Variants in MAD1L1 observed in about 807,000 individuals in gnomAD.
MAD1L1 encodes mitotic spindle assembly checkpoint protein MAD1.
A neutral mutation model predicts 96.9 loss-of-function variants in MAD1L1; 95 were observed. That is an observed-to-expected ratio of 0.98 (90% CI 0.83 to 1.16). MAD1L1 has a LOEUF of 1.16. Among genes scored for constraint, MAD1L1 ranks in the 50% most tolerant of loss-of-function variants. The pLI, the probability that MAD1L1 is intolerant of heterozygous loss-of-function variation, is 0.00. For synonymous variants in MAD1L1, 473 were observed against 396.6 expected (o/e 1.19, Z -2.29); for missense variants, 1,007 against 954.4 (o/e 1.06, Z -0.73).
At chr7:1,943,231 G>A (rs985186823) in intron 16 of MAD1L1, among the ~76,000 whole-genome samples, 12 of 152,168 alleles carry the variant, frequency 7.9e-5, no homozygotes, top group African/African-American at 2.9e-4. Context: ...TTAGCCCAAA[G>A]CACAAAGAAC....
chr7:2,038,611 C>A (rs1783546697), intron 12 of MAD1L1, among the ~76,000 whole-genome samples: 1 of 143,384 alleles, frequency 7.0e-6, no homozygotes, highest in Non-Finnish European at 1.5e-5. Context: ...CTTCTGGGTT[C>A]AAGCAATTCT....
chr7:1,910,370 C>T (rs1253478309), intron 17 of MAD1L1, among the ~76,000 whole-genome samples: 4 of 152,214 alleles, frequency 2.6e-5, no homozygotes, highest in Non-Finnish European at 4.4e-5. Context: ...TCCAGCTCCA[C>T]GGTCTCTGGC....
intron 10 of MAD1L1, among the ~76,000 whole-genome samples, chr7:2,201,392 T>C (rs1178764633): frequency 2.0e-5 from 3 of 151,920 alleles, no homozygotes; most frequent in Non-Finnish European, 2.9e-5. Context: ...CCTGTAAAAG[T>C]AGGGACGTGG....
intron 16 of MAD1L1, among the ~76,000 whole-genome samples, chr7:1,956,297 T>C (rs1779725499): frequency 6.6e-6 from 1 of 152,100 alleles, no homozygotes; most frequent in Non-Finnish European, 1.5e-5. Flanking sequence ...GAGGGCTGTC[T>C]GGAAGTTTCC....
chr7:1,875,204 G>C (rs1785319061), intron 18 of MAD1L1, among the ~76,000 whole-genome samples: 1 of 152,304 alleles, frequency 6.6e-6, no homozygotes, highest in South Asian at 2.1e-4. Context: ...GCTGTTCCCA[G>C]GGGCCCTGCT....
At chr7:1,929,025 C>T (rs895434190) in intron 17 of MAD1L1, among the ~76,000 whole-genome samples, 2 of 152,226 alleles carry the variant, frequency 1.3e-5, no homozygotes, top group Admixed American at 6.5e-5. Context: ...AAGGCAGTCA[C>T]TGCTCCCGTC....
At chr7:2,071,007 A>G (rs1014233175) in intron 11 of MAD1L1, among the ~76,000 whole-genome samples, 7 of 142,994 alleles carry the variant, frequency 4.9e-5, no homozygotes, top group Admixed American at 1.4e-4. Context: ...GCTTCATCCC[A>G]GGGCTGGTGG....
chr7:2,090,566 G>A (rs1398419219), intron 11 of MAD1L1, among the ~76,000 whole-genome samples: 4 of 152,170 alleles, frequency 2.6e-5, no homozygotes, highest in Non-Finnish European at 5.9e-5. Flanking sequence ...CCTTCCCAGG[G>A]TTGGATCAGG....
At chr7:2,140,262 T>C (rs1788962527) in intron 11 of MAD1L1, among the ~76,000 whole-genome samples, 1 of 152,148 alleles carries the variant, frequency 6.6e-6, no homozygotes, top group Non-Finnish European at 1.5e-5. Context: ...CATTCACCAC[T>C]GCCCAAACGT....
chr7:1,912,915 G>T (rs751827205), intron 17 of MAD1L1, among the ~76,000 whole-genome samples: 1 of 152,140 alleles, frequency 6.6e-6, no homozygotes, highest in Non-Finnish European at 1.5e-5. Flanking sequence ...GGGCGGGGCT[G>T]TGTGGGCTCC....
intron 17 of MAD1L1, among the ~76,000 whole-genome samples, chr7:1,899,966 C>G (rs553098410): frequency 6.6e-6 from 1 of 152,346 alleles, no homozygotes; most frequent in South Asian, 2.1e-4. Context: ...GACTCTGAAC[C>G]TACCCCTTCA....
rs747854627 is a variant in MAD1L1, at chr7:1,898,212, G to GCAGT, written c.1982_1985dup (p.Cys662Ter). The GCAGT allele has an allele frequency of 7.5e-6, 12 of 1,610,014 alleles. No individual in the cohort carries two copies. Among genetic ancestry groups the GCAGT allele is most frequent in the Non-Finnish European group, 1.0e-5 (12 of 1,178,116 alleles). Reference sequence around the variant, plus strand: ...ACGCAGGACCCACCTTGAAGATGAGGCAGTCGCCTGGGTGCTCGGCGTACA... The same window carrying GCAGT: ...ACGCAGGACCCACCTTGAAGATGAGGCAGTCAGTCGCCTGGGTGCTCGGCGTACA... On this transcript the variant is annotated stop_gained and frameshift_variant, in exon 18 of 19. Coordinates refer to ENST00000265854, the MANE Select transcript of MAD1L1 (RefSeq NM_001013836.2). LOFTEE classifies it high-confidence loss of function.
chr7:1,947,048 G>A (rs980959462), intron 16 of MAD1L1, among the ~76,000 whole-genome samples: 5 of 152,224 alleles, frequency 3.3e-5, no homozygotes, highest in African/African-American at 1.2e-4. Context: ...CTGGGCCTCG[G>A]CTTCCCATCT....
intron 11 of MAD1L1, among the ~76,000 whole-genome samples, chr7:2,111,166 AC>A (rs1787359283): frequency 6.6e-6 from 1 of 152,156 alleles, no homozygotes; most frequent in Admixed American, 6.5e-5. Context: ...GAGCACACAC[AC>A]CGAGCGTCCA....
intron 10 of MAD1L1, among the ~76,000 whole-genome samples, chr7:2,149,913 G>C (rs1191571701): frequency 1.3e-5 from 2 of 152,214 alleles, no homozygotes; most frequent in Admixed American, 1.3e-4. Context: ...TACGCCAGTG[G>C]TGTGTGAGCA....
chr7:2,219,299 C>T (rs573420036), intron 6 of MAD1L1, 33 bp downstream of exon 6: 22 of 1,534,846 alleles, frequency 1.4e-5, no homozygotes, highest in South Asian at 9.6e-5. Context: ...ACACGTGACC[C>T]GACCCCCGAC....
intron 18 of MAD1L1, among the ~76,000 whole-genome samples, chr7:1,872,287 G>A (rs747743026): frequency 9.2e-5 from 14 of 152,304 alleles, no homozygotes; most frequent in Admixed American, 4.6e-4. Flanking sequence ...CTGCCGCACC[G>A]TTTCCCAGAT....
chr7:2,087,759 G>A (rs1385326161), intron 11 of MAD1L1, among the ~76,000 whole-genome samples: 7 of 152,194 alleles, frequency 4.6e-5, no homozygotes, highest in Non-Finnish European at 1.0e-4. Flanking sequence ...CCATGGCCAG[G>A]AGCAGGGACT....
At chr7:2,158,183 C>G (rs1789931537) in intron 10 of MAD1L1, among the ~76,000 whole-genome samples, 1 of 152,244 alleles carries the variant, frequency 6.6e-6, no homozygotes, top group South Asian at 2.1e-4. Flanking sequence ...TCAAGCCCAG[C>G]TGCACGCAGA....
Sources: allele counts gnomAD v4.1 joint callset (sites outside exome capture counted in the v4.1 genomes callset), GRCh38; gene constraint gnomAD v4.1.1; transcripts MANE v1.5; gene names NCBI Gene and HGNC (gene_info 2026-07-23, HGNC 2026-07-21).